SH3PXD2A: variants seen among roughly 807,000 people sequenced by gnomAD.
The protein encoded by SH3PXD2A is SH3 and PX domains 2A, also known as SH3 and PX domain-containing protein 2A.
SH3PXD2A carries 32 observed loss-of-function variants against 115.2 expected under a neutral mutation model. That is an observed-to-expected ratio of 0.28 (90% CI 0.21 to 0.37). The LOEUF (loss-of-function observed/expected upper bound fraction) is 0.37. SH3PXD2A is among the 10% of genes least tolerant of loss of function. The pLI is 1.00. For missense variants in SH3PXD2A, 1,328 were observed against 1,498.7 expected (o/e 0.89, Z 1.88); for synonymous variants, 610 against 629.1 (o/e 0.97, Z 0.45).
intron 1 of SH3PXD2A, among the ~76,000 whole-genome samples, chr10:103,803,252 C>T (rs554615550): frequency 9.9e-5 from 15 of 152,212 alleles, no homozygotes; most frequent in Non-Finnish European, 1.9e-4. Context: ...ACATGTGGCC[C>T]TGATACAGAA....
At chr10:103,767,289 T>C (rs2038764254) in intron 2 of SH3PXD2A, 120 bp from the exon 3 acceptor site, 1 of 709,512 alleles carries the variant, frequency 1.4e-6, no homozygotes. Context: ...GAGTGACGCC[T>C]GAGATCCCTC....
In SH3PXD2A at chr10:103,736,657, C is replaced by G. The variant is rs965942157; in HGVS notation, c.230-849G>C. Reference sequence around the variant, plus strand: ...GATTGGCTGAGCTGGGAGTAATGTCCCTCTTTCCAGAACATCCACAACTCG... The same window carrying G: ...GATTGGCTGAGCTGGGAGTAATGTCGCTCTTTCCAGAACATCCACAACTCG... On this transcript the variant is annotated intron_variant, in intron 3 of 14. Transcript: ENST00000369774. 6.1e-5 allele frequency: 45 copies of G among 742,578 alleles called. No individual in the cohort carries two copies. In the African/African-American group the frequency reaches 6.1e-4, roughly 10 times the overall value. The allele number at this position is 742,578 out of a possible 1,614,324, so 46.0% of individuals were successfully genotyped here.
chr10:103,727,919 G>A (rs1233594415), intron 4 of SH3PXD2A, among the ~76,000 whole-genome samples: 5 of 152,266 alleles, frequency 3.3e-5, no homozygotes, highest in Non-Finnish European at 5.9e-5. Flanking sequence ...AGAGAGTGAT[G>A]CTGAGCAGTG....
chr10:103,634,203 C>G (rs946250750), intron 8 of SH3PXD2A, among the ~76,000 whole-genome samples: 1 of 152,176 alleles, frequency 6.6e-6, no homozygotes, highest in African/African-American at 2.4e-5. Flanking sequence ...AAGGCTTCCC[C>G]AAGAATGAAG....
chr10:103,823,439 G>A (rs1249675269), intron 1 of SH3PXD2A, among the ~76,000 whole-genome samples: 1 of 152,196 alleles, frequency 6.6e-6, no homozygotes, highest in African/African-American at 2.4e-5. Context: ...ATTCTGGCTG[G>A]CCTCATCACT....
chr10:103,693,051 T>C lies in SH3PXD2A; in HGVS notation c.404A>G (p.Tyr135Cys), dbSNP rs1306879501. The change falls in exon 6 of 15, where the codon TAT becomes TGT. Residue 135 changes from tyrosine (Y) to cysteine (C), a missense_variant. Physicochemically the swap from Tyr to Cys is radical, Grantham distance 194. Coordinates refer to ENST00000369774, the MANE Select transcript of SH3PXD2A (RefSeq NM_001394015.1). Reference sequence around the variant, plus strand: ...ACCTGATTTCCTCTTGGAACTGCCATAGTCCCTGAAAAAGAAGCAACAACA... The same window carrying C: ...ACCTGATTTCCTCTTGGAACTGCCACAGTCCCTGAAAAAGAAGCAACAACA... ...PEDVNPPKEDYGSSKRKSVWL... is the reference protein window; with the variant it reads ...PEDVNPPKEDCGSSKRKSVWL... The C allele has an allele frequency of 2.5e-6, 4 of 1,610,270 alleles. No individual in the cohort carries two copies. The highest frequency in any genetic ancestry group is 2.5e-6 in the Non-Finnish European group (3 of 1,177,632).
At chr10:103,716,088 C>A (rs757630890) in intron 5 of SH3PXD2A, among the ~76,000 whole-genome samples, 4 of 152,214 alleles carry the variant, frequency 2.6e-5, no homozygotes, top group Non-Finnish European at 4.4e-5. Context: ...CCTCCTCCCA[C>A]CCCAGGCCCC....
At chr10:103,655,575 C>A (rs2037198355) in intron 8 of SH3PXD2A, among the ~76,000 whole-genome samples, 1 of 151,970 alleles carries the variant, frequency 6.6e-6, no homozygotes, top group Non-Finnish European at 1.5e-5. Context: ...GAGTTCAAGA[C>A]CAGCTTGACC....
chr10:103,752,580 C>A (rs1395534950), intron 3 of SH3PXD2A, among the ~76,000 whole-genome samples: 1 of 152,202 alleles, frequency 6.6e-6, no homozygotes, highest in East Asian at 1.9e-4. Flanking sequence ...GACAGCAAAG[C>A]AGACCCCAGG....
At chr10:103,769,187 C>T (rs550498930) in intron 2 of SH3PXD2A, among the ~76,000 whole-genome samples, 20 of 147,428 alleles carry the variant, frequency 1.4e-4, no homozygotes, top group African/African-American at 4.7e-4. Context: ...TGTGTGCGCG[C>T]GCGCGCGCAT....
At position 103,762,014 on chromosome 10, in the gene SH3PXD2A, C is replaced by CTTTTTTTTT. The variant is rs79615908; in HGVS notation, c.229+5071_229+5079dup. ...CACACACTAGGAGCAATCAACACGT[C>CTTTTTTTTT]TTTTTTTTTTTTTTTTTTTTTTTTT... is the stretch of plus-strand genomic sequence containing the variant. On this transcript the variant is annotated intron_variant, in intron 3 of 14. Coordinates refer to ENST00000369774, the MANE Select transcript of SH3PXD2A (RefSeq NM_001394015.1). Among the ~76,000 whole-genome samples the CTTTTTTTTT allele has an allele frequency of 7.9e-3, 719 of 90,632 alleles. 60 individuals carry two copies. Among genetic ancestry groups the CTTTTTTTTT allele is most frequent in the Non-Finnish European group, 0.012 (529 of 44,372 alleles). 59.5% of individuals were successfully genotyped at this position (90,632 alleles called of 152,430 possible). A position where few individuals can be genotyped will look rare whatever the true frequency, so the allele number is the denominator to read the frequency against.
chr10:103,848,383 GCT>G (rs1473647273), intron 1 of SH3PXD2A, among the ~76,000 whole-genome samples: 1 of 152,172 alleles, frequency 6.6e-6, no homozygotes, highest in Non-Finnish European at 1.5e-5. Flanking sequence ...TCCTTACTTA[GCT>G]CTGTTCCAGG....
chr10:103,812,871 T>C (rs2039284440), intron 1 of SH3PXD2A, among the ~76,000 whole-genome samples: 1 of 152,224 alleles, frequency 6.6e-6, no homozygotes, highest in Admixed American at 6.5e-5. Flanking sequence ...TTTTCGGCAA[T>C]TTCTGTCGCC....
intron 8 of SH3PXD2A, among the ~76,000 whole-genome samples, chr10:103,632,196 A>T (rs1380008214): frequency 6.6e-6 from 1 of 151,436 alleles, no homozygotes; most frequent in East Asian, 1.9e-4. Flanking sequence ...ACCCTTGTCC[A>T]CACCTCCCCC....
intron 1 of SH3PXD2A, among the ~76,000 whole-genome samples, chr10:103,803,360 A>C (rs1426067231): frequency 6.6e-6 from 1 of 152,266 alleles, no homozygotes; most frequent in African/African-American, 2.4e-5. Flanking sequence ...CATCATATGT[A>C]AATAGGTATC....
chr10:103,719,410 C>T (rs2038150306), intron 5 of SH3PXD2A, among the ~76,000 whole-genome samples: 1 of 152,214 alleles, frequency 6.6e-6, no homozygotes, highest in East Asian at 1.9e-4. Flanking sequence ...GGCTTCATGT[C>T]CCTGAGCCTT....
At chr10:103,610,312 ACAG>A (rs1190046017) in intron 13 of SH3PXD2A, among the ~76,000 whole-genome samples, 1 of 152,250 alleles carries the variant, frequency 6.6e-6, no homozygotes, top group Non-Finnish European at 1.5e-5. Context: ...CTAACTGGAA[ACAG>A]CAGCCCTGCC....
At chr10:103,800,345 G>A (rs1004707561) in intron 2 of SH3PXD2A, among the ~76,000 whole-genome samples, 9 of 152,128 alleles carry the variant, frequency 5.9e-5, no homozygotes, top group Non-Finnish European at 1.3e-4. Context: ...AATCAAAATC[G>A]TCCCTGGGAT....
chr10:103,776,793 G>A (rs1343423180), intron 2 of SH3PXD2A, among the ~76,000 whole-genome samples: 1 of 152,090 alleles, frequency 6.6e-6, no homozygotes, highest in African/African-American at 2.4e-5. Context: ...TGTTAGATTA[G>A]GAGCCACCCT....
Sources: allele counts gnomAD v4.1 joint callset (sites outside exome capture counted in the v4.1 genomes callset), GRCh38; gene constraint gnomAD v4.1.1; transcripts MANE v1.5; gene names NCBI Gene and HGNC (gene_info 2026-07-23, HGNC 2026-07-21).